Variants in STXBP2 observed in about 807,000 individuals in gnomAD.
The protein encoded by STXBP2 is syntaxin binding protein 2.
Under a neutral mutation model 72.2 loss-of-function variants are expected in STXBP2, and 47 were observed. The observed-to-expected ratio is 0.65, with a 90% CI of 0.51 to 0.83. STXBP2 has a LOEUF of 0.83. Among genes scored for constraint, STXBP2 ranks in the 40% least tolerant of loss-of-function variants. The pLI, the probability that STXBP2 is intolerant of heterozygous loss-of-function variation, is 0.00. For missense variants in STXBP2, 702 were observed against 807.6 expected (o/e 0.87, Z 1.58); for synonymous variants, 367 against 338.7 (o/e 1.08, Z -0.92).
Position 7,642,002 on chromosome 19 carries a change from A to T in STXBP2, c.579-32A>T. ...AACCCATCCTTGACCCCATCCCCTG[A>T]TGATGTCCCCCGTGTCTGACCTCCC... On this transcript the variant is annotated intron_variant, in intron 7 of 18. Coordinates refer to ENST00000221283, the MANE Select transcript of STXBP2 (RefSeq NM_006949.4). This position sits in a 1 kb window ranked among gnomAD's most constrained non-coding sequence, Gnocchi z 6.0. The T allele has an allele frequency of 6.2e-7, 1 of 1,613,140 alleles. No homozygotes were observed. Among genetic ancestry groups the T allele is most frequent in the Non-Finnish European group, 8.5e-7 (1 of 1,179,410 alleles).
At chr19:7,647,658 C>T in intron 18 of STXBP2, 67 bp from the exon 19 acceptor site, 1 of 1,603,500 alleles carries the variant, frequency 6.2e-7, no homozygotes. Flanking sequence ...CCAGCCGGGA[C>T]CGGGAGCCTG....
At chr19:7,632,927 G>A, upstream of STXBP2, 1 of 1,495,672 alleles carries the variant, frequency 6.7e-7, no homozygotes, top group African/African-American at 1.4e-5. The surrounding 1 kb of genome is among the most constrained non-coding windows in gnomAD (Gnocchi z 5.2). Context: ...CCCGGGGCCT[G>A]CCGTCCCCAC....
rs528168010 is a variant in STXBP2, at chr19:7,640,657, T to A, written c.247-74T>A. 799 of 1,589,720 alleles carry A rather than the reference T, an allele frequency of 5.0e-4. 3 individuals carry two copies. In the African/African-American group the frequency reaches 9.8e-3, roughly 20 times the overall value. ...TTTGCACATGGTGGCAGATGGGGGG[T>A]GGCTGGGAGGCCTAGGCAGCCAATG... On this transcript the variant is annotated intron_variant, in intron 4 of 18. Coordinates refer to ENST00000221283, the MANE Select transcript of STXBP2 (RefSeq NM_006949.4).
chr19:7,633,855 G>C (rs950058365), upstream of STXBP2: 12 of 199,992 alleles, frequency 6.0e-5, no homozygotes, highest in Admixed American at 7.2e-4. Flanking sequence ...AGCCACCCAG[G>C]TTCCCCCACT....
At position 7,642,854 on chromosome 19, in the gene STXBP2, T is replaced by G; in HGVS notation, c.960+31T>G. On this transcript the variant is annotated intron_variant, in intron 11 of 18. Coordinates refer to ENST00000221283, the MANE Select transcript of STXBP2 (RefSeq NM_006949.4). This position sits in a 1 kb window ranked among gnomAD's most constrained non-coding sequence, Gnocchi z 6.0. ...GGCGGACCCAGGTCACCAAAGGCGC[T>G]GGTGGAAGGAAGCCCCCCTCCCCAT... 1 of 1,614,016 alleles carries G rather than the reference T, an allele frequency of 6.2e-7. No homozygotes were observed. Among genetic ancestry groups the G allele is most frequent in the Middle Eastern group, 1.6e-4 (1 of 6,062 alleles).
intron 1 of STXBP2, among the ~76,000 whole-genome samples, chr19:7,638,084 G>C (rs1162458019): frequency 6.6e-6 from 1 of 152,228 alleles, no homozygotes; most frequent in Non-Finnish European, 1.5e-5. Flanking sequence ...GGTAGCAGGT[G>C]GGGAAGCCGA....
rs982652040 is a variant in STXBP2 at position 7,644,981 on chromosome 19, A to G, written c.1247-216A>G. ...AGAAACCCTCACATCTGTGATTCCTATAGATGTGGGGCTCCCTCAGCTCAT... is the reference window on the plus strand; with the variant it reads ...AGAAACCCTCACATCTGTGATTCCTGTAGATGTGGGGCTCCCTCAGCTCAT... On this transcript the variant is annotated intron_variant, in intron 14 of 18. Transcript: ENST00000221283. 14 of 1,447,780 alleles carry G rather than the reference A, an allele frequency of 9.7e-6. No homozygotes were observed. In the African/African-American group the frequency reaches 1.4e-4, roughly 15 times the overall value. 89.7% of individuals were successfully genotyped at this position (1,447,780 alleles called of 1,614,324 possible). A position where few individuals can be genotyped will look rare whatever the true frequency, so the allele number is the denominator to read the frequency against.
chr19:7,630,481 G>A, the STXBP2 span: 1 of 1,039,600 alleles, frequency 9.6e-7, no homozygotes, highest in African/African-American at 1.6e-5. Context: ...AGGCGCTTCT[G>A]GACTCTGCAG....
chr19:7,640,671 A>G (rs191297595), intron 4 of STXBP2, 60 bp from the exon 5 acceptor site: 3 of 1,607,844 alleles, frequency 1.9e-6, no homozygotes, highest in African/African-American at 1.3e-5. Context: ...TGGGAGGCCT[A>G]GGCAGCCAAT....
At chr19:7,640,219 CGTCTGT>C (rs2031772442) in intron 4 of STXBP2, 1 of 456,748 alleles carries the variant, frequency 2.2e-6, no homozygotes, top group African/African-American at 2.7e-5. Context: ...TATGTGTCTG[CGTCTGT>C]GTGTGCGTCT....
upstream of STXBP2, chr19:7,632,391 A>C (rs758039422): frequency 1.7e-5 from 28 of 1,613,508 alleles, no homozygotes; most frequent in African/African-American, 3.5e-4. The surrounding 1 kb of genome is among the most constrained non-coding windows in gnomAD (Gnocchi z 5.2). Flanking sequence ...AACATCACCT[A>C]CCTTGGACCC....
At chr19:7,634,526 G>A (rs568992838), upstream of STXBP2, among the ~76,000 whole-genome samples, 11 of 152,304 alleles carry the variant, frequency 7.2e-5, no homozygotes, top group South Asian at 2.3e-3. Context: ...AAACACATAA[G>A]TTGACTTTTG....
Position 7,646,302 on chromosome 19 carries a change from T to C in STXBP2, c.1410T>C (p.Tyr470=). The C allele has an allele frequency of 1.2e-6, 2 of 1,611,622 alleles. No individual in the cohort carries two copies. The highest frequency in any genetic ancestry group is 1.7e-6 in the Non-Finnish European group (2 of 1,179,240). Residue 470 remains tyrosine (Y), a synonymous_variant, in exon 16 of 19, where the codon TAT becomes TAC. Transcript: ENST00000221283. Reference sequence around the variant, plus strand: ...CGAGAGAACGCATGGAGCCCACCTATCAGCTGTCCCGCTGGACCCCGGTCA... The same window carrying C: ...CGAGAGAACGCATGGAGCCCACCTACCAGCTGTCCCGCTGGACCCCGGTCA... ...LEPRERMEPT[Y]QLSRWTPVIK... is the part of the protein sequence containing the mutation.
In STXBP2 at chr19:7,642,975, T is replaced by C; in HGVS notation, c.961-8T>C. 1.2e-6 allele frequency: 2 copies of C among 1,613,934 alleles called. No individual in the cohort carries two copies. The highest frequency in any genetic ancestry group is 1.7e-6 in the Non-Finnish European group (2 of 1,179,982). On this transcript the variant is annotated splice_polypyrimidine_tract_variant and splice_region_variant and intron_variant, in intron 11 of 18. Coordinates refer to ENST00000221283, the MANE Select transcript of STXBP2 (RefSeq NM_006949.4). The surrounding 1 kb of genome is among the most constrained non-coding windows in gnomAD (Gnocchi z 6.0). ...CCAATCCCTACCCTCTTCCCCCTAC[T>C]TCCCCAGGCGAACATCAAAGACCTA...
At chr19:7,637,318 C>T (rs1236727123) in intron 1 of STXBP2, 132 bp downstream of exon 1, 7 of 710,244 alleles carry the variant, frequency 9.9e-6, no homozygotes, top group African/African-American at 7.6e-5. Context: ...GCACCTGACC[C>T]TCGAGGGGGC....
At chr19:7,637,025 G>C (rs988842792), upstream of STXBP2, 3 of 1,090,566 alleles carry the variant, frequency 2.8e-6, no homozygotes, top group South Asian at 1.4e-4. Flanking sequence ...CCGACGGCGG[G>C]GAGGGGCCAG....
At position 7,642,944 on chromosome 19, in the gene STXBP2, C is replaced by T. The variant is rs544938469; in HGVS notation, c.961-39C>T. On this transcript the variant is annotated intron_variant, in intron 11 of 18. Coordinates refer to ENST00000221283, the MANE Select transcript of STXBP2 (RefSeq NM_006949.4). This position sits in a 1 kb window ranked among gnomAD's most constrained non-coding sequence, Gnocchi z 6.0. ...GACCCAGGTGGGCACTGCCTGGCTT[C>T]GCCCCCCAATCCCTACCCTCTTCCC... is the stretch of plus-strand genomic sequence containing the variant. 56 of 1,613,226 alleles carry T rather than the reference C, an allele frequency of 3.5e-5. No homozygotes were observed. Among genetic ancestry groups the T allele is most frequent in the East Asian group, 3.1e-4 (14 of 44,872 alleles).
intron 16 of STXBP2, 110 bp from the exon 17 acceptor site, chr19:7,647,052 G>C (rs1419078806): frequency 5.3e-6 from 6 of 1,132,736 alleles, no homozygotes; most frequent in African/African-American, 1.5e-5. Flanking sequence ...AGGTGGAGAT[G>C]CTGGTTCCTG....
chr19:7,634,037 C>T (rs1599382394), upstream of STXBP2: 1 of 152,652 alleles, frequency 6.6e-6, no homozygotes, highest in Non-Finnish European at 1.5e-5. Flanking sequence ...ACCCTTCCTT[C>T]AACTCACTGT....
Sources: gnomAD v4.1 joint callset for allele counts (sites outside exome capture counted in the v4.1 genomes callset) on GRCh38, gnomAD v4.1.1 for gene constraint, Gnocchi (gnomAD v3.1) non-coding constraint, MANE v1.5 for transcripts, NCBI Gene and HGNC (gene_info 2026-07-23, HGNC 2026-07-21) for gene names.